LRP1B: variants seen among roughly 807,000 people sequenced by gnomAD.
LRP1B encodes LDL receptor related protein 1B, also known as low-density lipoprotein receptor-related protein 1B.
Under a neutral mutation model 556.6 loss-of-function variants are expected in LRP1B, and 217 were observed. That is an observed-to-expected ratio of 0.39 (90% CI 0.35 to 0.44). The LOEUF is 0.44. Among genes scored for constraint, LRP1B ranks in the 20% least tolerant of loss-of-function variants. The pLI is 1.00. For missense variants in LRP1B, 5,053 were observed against 5,620.8 expected (o/e 0.90, Z 3.23); for synonymous variants, 2,047 against 1,865.8 (o/e 1.10, Z -2.50).
intron 43 of LRP1B, among the ~76,000 whole-genome samples, chr2:140,572,922 CAT>C (rs1323607953): frequency 2.0e-5 from 3 of 151,776 alleles, no homozygotes; most frequent in African/African-American, 4.8e-5. Flanking sequence ...ATAAATATCA[CAT>C]GTTTTCACTC....
intron 3 of LRP1B, among the ~76,000 whole-genome samples, chr2:141,386,705 C>T (rs1689845576): frequency 6.6e-6 from 1 of 151,882 alleles, no homozygotes; most frequent in South Asian, 2.1e-4. Context: ...TGCTAAACAA[C>T]AAAGGCCCAA....
Position 141,013,544 on chromosome 2 carries a change from G to A in LRP1B, c.2380+12C>T. On this transcript the variant is annotated intron_variant, in intron 14 of 90. Transcript: ENST00000389484. ...GTGAATCTCAGAAGCATTTTAATTT[G>A]TTTTTTAATACCTTGTTGCTTTCGT... The A allele has an allele frequency of 1.3e-6, 2 of 1,591,972 alleles. No homozygotes were observed. Among genetic ancestry groups the A allele is most frequent in the African/African-American group, 2.7e-5 (2 of 73,596 alleles).
chr2:140,306,596 A>G (rs1684077079), intron 83 of LRP1B, among the ~76,000 whole-genome samples: 1 of 150,322 alleles, frequency 6.7e-6, no homozygotes, highest in Non-Finnish European at 1.5e-5. Context: ...GATCTGTTCA[A>G]AAAAACAGCT....
At chr2:140,920,810 T>C (rs1694716258) in intron 21 of LRP1B, among the ~76,000 whole-genome samples, 1 of 152,012 alleles carries the variant, frequency 6.6e-6, no homozygotes, top group African/African-American at 2.4e-5. Flanking sequence ...TTTACATTAA[T>C]CTTTTGCTTA....
At chr2:140,894,340 G>A (rs1206597437) in intron 23 of LRP1B, among the ~76,000 whole-genome samples, 1 of 152,126 alleles carries the variant, frequency 6.6e-6, no homozygotes, top group Non-Finnish European at 1.5e-5. Context: ...AAATTTGCTG[G>A]AGAGAAGATT....
At chr2:140,798,875 C>T (rs549006413) in intron 32 of LRP1B, among the ~76,000 whole-genome samples, 53 of 152,186 alleles carry the variant, frequency 3.5e-4, no homozygotes, top group African/African-American at 1.2e-3. Context: ...CAGTTTTGAC[C>T]GTGATCAATC....
chr2:140,274,641 G>C (rs768631716), intron 84 of LRP1B, 43 bp from the exon 85 acceptor site: 19 of 1,536,782 alleles, frequency 1.2e-5, no homozygotes, highest in Admixed American at 1.1e-4. Flanking sequence ...TTATATTACA[G>C]GACATTTTTC....
chr2:140,915,127 G>C (rs1694536677), intron 21 of LRP1B, among the ~76,000 whole-genome samples: 1 of 152,114 alleles, frequency 6.6e-6, no homozygotes, highest in Admixed American at 6.6e-5. Context: ...ATTGCAAGGG[G>C]TGGAGGAATT....
At chr2:140,924,584 C>T (rs1475974395) in intron 20 of LRP1B, among the ~76,000 whole-genome samples, 1 of 151,962 alleles carries the variant, frequency 6.6e-6, no homozygotes, top group Non-Finnish European at 1.5e-5. Flanking sequence ...TAAAGAAGTT[C>T]CATTGGTCAA....
chr2:141,778,421 C>A (rs1482848302), intron 2 of LRP1B, among the ~76,000 whole-genome samples: 2 of 152,190 alleles, frequency 1.3e-5, no homozygotes, highest in African/African-American at 4.8e-5. Flanking sequence ...TTATGGTAGA[C>A]TCTCCTCCTT....
intron 2 of LRP1B, among the ~76,000 whole-genome samples, chr2:141,509,000 G>A (rs534960115): frequency 5.3e-5 from 8 of 152,252 alleles, no homozygotes; most frequent in East Asian, 1.9e-4. Flanking sequence ...CTGACAAGTC[G>A]TAGGGTTGGC....
intron 7 of LRP1B, among the ~76,000 whole-genome samples, chr2:141,174,547 C>A (rs1680653079): frequency 6.6e-6 from 1 of 152,082 alleles, no homozygotes; most frequent in Non-Finnish European, 1.5e-5. Context: ...AAGGTTCTTG[C>A]TTTCTCTTCA....
At chr2:141,371,351 A>G (rs985021062) in intron 3 of LRP1B, among the ~76,000 whole-genome samples, 1 of 152,094 alleles carries the variant, frequency 6.6e-6, no homozygotes, top group African/African-American at 2.4e-5. Context: ...TTGTTTGGCT[A>G]TTTGGGCTTT....
chr2:140,245,971 T>A (rs1681142571), intron 87 of LRP1B, among the ~76,000 whole-genome samples: 1 of 151,334 alleles, frequency 6.6e-6, no homozygotes, highest in African/African-American at 2.4e-5. Flanking sequence ...GCCCAGACTG[T>A]CTATTCTAGA....
At chr2:141,573,579 A>G (rs559839218) in intron 2 of LRP1B, among the ~76,000 whole-genome samples, 5 of 152,064 alleles carry the variant, frequency 3.3e-5, no homozygotes, top group Admixed American at 3.3e-4. Flanking sequence ...GCAGAAGACA[A>G]GAAAAAAACT....
At chr2:141,903,828 G>T (rs1425068816) in intron 1 of LRP1B, among the ~76,000 whole-genome samples, 1 of 151,962 alleles carries the variant, frequency 6.6e-6, no homozygotes, top group Non-Finnish European at 1.5e-5. Flanking sequence ...AACAAGTAAT[G>T]TGGTAGTTAC....
At chr2:141,617,260 C>A (rs1688340456) in intron 2 of LRP1B, among the ~76,000 whole-genome samples, 1 of 152,050 alleles carries the variant, frequency 6.6e-6, no homozygotes, top group South Asian at 2.1e-4. Context: ...AAATATTAAA[C>A]AAATATACAA....
chr2:141,123,473 TAATA>T (rs1411399237), intron 7 of LRP1B, among the ~76,000 whole-genome samples: 1 of 150,260 alleles, frequency 6.7e-6, no homozygotes, highest in African/African-American at 2.4e-5. Flanking sequence ...GTTAGATAAT[TAATA>T]AATATTTTAA....
chr2:140,623,414 T>C (rs1683527663), intron 41 of LRP1B, among the ~76,000 whole-genome samples: 2 of 152,080 alleles, frequency 1.3e-5, no homozygotes, highest in African/African-American at 4.8e-5. Flanking sequence ...TTTTTTCTCC[T>C]TATCTAGTAC....
Sources: gnomAD v4.1 joint callset for allele counts (sites outside exome capture counted in the v4.1 genomes callset) on GRCh38, gnomAD v4.1.1 for gene constraint, MANE v1.5 for transcripts, NCBI Gene and HGNC (gene_info 2026-07-23, HGNC 2026-07-21) for gene names.